The following SMC4 variants were observed in gnomAD, a reference collection of about 807,000 sequenced individuals.
The protein encoded by SMC4 is structural maintenance of chromosomes 4, also known as structural maintenance of chromosomes protein 4.
SMC4 carries 87 observed loss-of-function variants against 145.6 expected under a neutral mutation model. The ratio of observed to expected loss-of-function variants is 0.60; its 90% confidence interval spans 0.50 to 0.71. The LOEUF is 0.71. Ranked by LOEUF, SMC4 falls within the 30% of genes least tolerant of loss-of-function variation. The pLI, the probability that SMC4 is intolerant of heterozygous loss-of-function variation, is 0.00. For synonymous variants in SMC4, 558 were observed against 500.7 expected (o/e 1.11, Z -1.53); for missense variants, 1,447 against 1,537.1 (o/e 0.94, Z 0.98).
Position 160,417,906 on chromosome 3 carries a change from A to G in SMC4, c.1621A>G (p.Ile541Val). The change falls in exon 11 of 24, where the codon ATC (isoleucine) becomes GTC (valine). Residue 541 changes from isoleucine (I) to valine (V), a missense_variant. Ile to Val is a conservative substitution (Grantham distance 29, BLOSUM62 3). Coordinates refer to ENST00000357388, the MANE Select transcript of SMC4 (RefSeq NM_001002800.3). ...SETLKERKAA[I>V]RDIEGKLPQT... Reference sequence around the variant, plus strand: ...GACTCTCAAAGAAAGGAAAGCTGCAATCAGAGATATAGAAGGAAAACTCCC... The same window carrying G: ...GACTCTCAAAGAAAGGAAAGCTGCAGTCAGAGATATAGAAGGAAAACTCCC... The G allele has an allele frequency of 6.2e-7, 1 of 1,613,232 alleles. No individual in the cohort carries two copies. The highest frequency in any genetic ancestry group is 8.5e-7 in the Non-Finnish European group (1 of 1,179,642).
At position 160,402,063 on chromosome 3, in the gene SMC4, T is replaced by G. The variant is rs1185810456; in HGVS notation, c.288T>G (p.Ala96=). The G allele has an allele frequency of 6.4e-7, 1 of 1,554,570 alleles. No individual in the cohort carries two copies. The highest frequency in any genetic ancestry group is 8.6e-7 in the Non-Finnish European group (1 of 1,159,326). Residue 96 remains alanine, a synonymous_variant, in exon 3 of 24, where the codon GCT becomes GCG. Coordinates refer to ENST00000357388, the MANE Select transcript of SMC4 (RefSeq NM_001002800.3). ...TAAACCAGAACTTCAAATCCTATGC[T>G]GGGGAGAAAATTCTGGGACCTTTCC... ...HIVNQNFKSY[A]GEKILGPFHK...
chr3:160,431,157 T>C lies in SMC4; in HGVS notation c.3066T>C (p.Asp1022=). ...TTAAGTTGAAACTTGAACAAATAGA[T>C]GGTCACATTGCTGAACATAATTCTA... ...LSIKLKLEQI[D]GHIAEHNSKI... The change falls in exon 20 of 24, where the codon GAT becomes GAC. Residue 1022 remains aspartate, a synonymous_variant. Coordinates refer to ENST00000357388, the MANE Select transcript of SMC4 (RefSeq NM_001002800.3). The C allele has an allele frequency of 4.4e-6, 7 of 1,603,310 alleles. No individual in the cohort carries two copies. Among genetic ancestry groups the C allele is most frequent in the Non-Finnish European group, 5.9e-6 (7 of 1,176,918 alleles).
intron 7 of SMC4, 145 bp downstream of exon 7, chr3:160,412,598 A>G (rs1716132478): frequency 7.7e-7 from 1 of 1,293,128 alleles, no homozygotes; most frequent in Non-Finnish European, 9.9e-7. Flanking sequence ...GTGTTAGCTC[A>G]TGCCTGTAAT....
chr3:160,416,538 C>A, intron 10 of SMC4, 123 bp downstream of exon 10: 1 of 545,902 alleles, frequency 1.8e-6, no homozygotes, highest in South Asian at 3.7e-5. Context: ...TCCAACATTC[C>A]TAAAACTAGT....
intron 4 of SMC4, among the ~76,000 whole-genome samples, chr3:160,403,725 C>A (rs1239604779): frequency 6.6e-6 from 1 of 151,852 alleles, no homozygotes; most frequent in South Asian, 2.1e-4. Flanking sequence ...ATTTTAGAAG[C>A]CTTTGCTTCA....
At chr3:160,421,032 C>A (rs1189040235) in intron 13 of SMC4, 131 bp downstream of exon 13, 1 of 620,420 alleles carries the variant, frequency 1.6e-6, no homozygotes, top group Non-Finnish European at 2.6e-6. Context: ...CGGGTTCACA[C>A]CATTCTCCTG....
chr3:160,418,937 C>T (rs952070747), intron 11 of SMC4, among the ~76,000 whole-genome samples: 4 of 152,052 alleles, frequency 2.6e-5, no homozygotes, highest in African/African-American at 7.2e-5. Flanking sequence ...CCCCCAGCCC[C>T]GTTCAGCTAA....
intron 5 of SMC4, among the ~76,000 whole-genome samples, chr3:160,409,600 A>G (rs1485736743): frequency 6.6e-6 from 1 of 152,220 alleles, no homozygotes; most frequent in Non-Finnish European, 1.5e-5. Flanking sequence ...TATCTGAAAA[A>G]TGTATACTTA....
In SMC4 at chr3:160,408,748, A is replaced by G. The variant is rs146031709; in HGVS notation, c.688-3172A>G. Among the ~76,000 whole-genome samples, 360 of 152,318 alleles carry G rather than the reference A, an allele frequency of 2.4e-3. 3 individuals are homozygous for G. Among genetic ancestry groups the G allele is most frequent in the African/African-American group, 7.9e-3 (328 of 41,564 alleles). Reference sequence around the variant, plus strand: ...GGAATCCTTTAGGCACAGACTGTCAATCTACAGATTACATAGGAGATGGCA... The same window carrying G: ...GGAATCCTTTAGGCACAGACTGTCAGTCTACAGATTACATAGGAGATGGCA... On this transcript the variant is annotated intron_variant, in intron 5 of 23. Transcript: ENST00000357388.
In SMC4 at chr3:160,417,842, A is replaced by G. The variant is rs541433815; in HGVS notation, c.1557A>G (p.Gln519=). The G allele has an allele frequency of 2.9e-5, 47 of 1,613,786 alleles. No individual in the cohort carries two copies. The highest frequency in any genetic ancestry group is 8.3e-5 in the Admixed American group (5 of 60,014). ...GTCGTCATAATACTGCAGTGTCTCA[A>G]TTAACTAAGGCTAAGGAAGCTCTAA... ...YLSRHNTAVS[Q]LTKAKEALIA... Residue 519 remains glutamine, a synonymous_variant, in exon 11 of 24, where the codon CAA becomes CAG. Coordinates refer to ENST00000357388, the MANE Select transcript of SMC4 (RefSeq NM_001002800.3).
intron 1 of SMC4, 174 bp from the exon 2 acceptor site, chr3:160,400,648 C>G (rs920253661): frequency 1.3e-6 from 1 of 752,858 alleles, no homozygotes; most frequent in Admixed American, 4.2e-5. Context: ...GAAACCAGTC[C>G]TGCCTTCTTG....
intron 5 of SMC4, among the ~76,000 whole-genome samples, chr3:160,409,135 G>A (rs1448754174): frequency 1.3e-5 from 2 of 151,002 alleles, no homozygotes; most frequent in Non-Finnish European, 3.0e-5. Flanking sequence ...GCATGGTGGC[G>A]CGTGCCTGTA....
At chr3:160,428,622 CT>C in intron 17 of SMC4, 130 bp from the exon 18 acceptor site, 2 of 705,892 alleles carry the variant, frequency 2.8e-6, no homozygotes, top group East Asian at 3.2e-5. Flanking sequence ...TTTTAAGGTG[CT>C]TTTTCCCATA....
chr3:160,413,744 T>TA, intron 8 of SMC4, 131 bp downstream of exon 8: 1 of 553,500 alleles, frequency 1.8e-6, no homozygotes, highest in African/African-American at 2.0e-5. Flanking sequence ...GCCCCCTTAG[T>TA]GAAAAAAAAA....
In SMC4 at chr3:160,421,983, T is replaced by A. The variant is rs1031884488; in HGVS notation, c.2019+1082T>A. On this transcript the variant is annotated intron_variant, in intron 13 of 23. Transcript: ENST00000357388. Reference sequence around the variant, plus strand: ...AATCATACAATATATGGCCTTTTTATACAGCTACATTTACTTAGCAGGTTT... The same window carrying A: ...AATCATACAATATATGGCCTTTTTAAACAGCTACATTTACTTAGCAGGTTT... Among the ~76,000 whole-genome samples, 3 of 152,254 alleles carry A rather than the reference T, an allele frequency of 2.0e-5. No individual in the cohort carries two copies. The East Asian group carries it at 5.8e-4, about 29-fold the overall frequency.
At position 160,416,426 on chromosome 3, in the gene SMC4, TTTTTTTATCAGTGTTTA is replaced by T. The variant is rs750785961; in HGVS notation, c.1437+16_1437+32del. On this transcript the variant is annotated intron_variant, in intron 10 of 23. Transcript: ENST00000357388. ...CAGAAAGAAAAAGAAGTAAGTTTTT[TTTTTTTATCAGTGTTTA>T]TTTTGGTGGCTTTTTTTTTTTTAAC... 3.4e-6 allele frequency: 5 copies of T among 1,460,838 alleles called. No homozygotes were observed. Among genetic ancestry groups the T allele is most frequent in the Non-Finnish European group, 4.5e-6 (5 of 1,100,736 alleles). The allele number at this position is 1,460,838 out of a possible 1,614,324, so 90.5% of individuals were successfully genotyped here. A position where few individuals can be genotyped will look rare whatever the true frequency, so the allele number is the denominator to read the frequency against.
At chr3:160,420,218 C>G (rs564650161) in intron 12 of SMC4, among the ~76,000 whole-genome samples, 3 of 152,300 alleles carry the variant, frequency 2.0e-5, no homozygotes, top group South Asian at 4.1e-4. Flanking sequence ...CCAGTTGATG[C>G]AGTCCTTAAG....
chr3:160,422,505 GT>G (rs1717288649), intron 13 of SMC4, among the ~76,000 whole-genome samples: 1 of 152,134 alleles, frequency 6.6e-6, no homozygotes, highest in Non-Finnish European at 1.5e-5. Flanking sequence ...AGAAATGTCT[GT>G]TTCAAATCCT....
At chr3:160,413,448 C>CTT (rs77742046) in intron 7 of SMC4, 25 bp from the exon 8 acceptor site, 346 of 1,272,152 alleles carry the variant, frequency 2.7e-4, no homozygotes, top group Admixed American at 7.3e-4. Context: ...GCTTCAATTT[C>CTT]TTTTTTTTTT....
Sources: allele counts gnomAD v4.1 joint callset (sites outside exome capture counted in the v4.1 genomes callset), GRCh38; gene constraint gnomAD v4.1.1; transcripts MANE v1.5; gene names NCBI Gene and HGNC (gene_info 2026-07-23, HGNC 2026-07-21).